ZNF608: variants seen among roughly 807,000 people sequenced by gnomAD.
ZNF608 encodes the protein renal carcinoma antigen NY-REN-36.
ZNF608 carries 12 observed loss-of-function variants against 109.0 expected under a neutral mutation model. That is an observed-to-expected ratio of 0.11 (90% CI 0.07 to 0.18). The LOEUF is 0.18. ZNF608 is among the 10% of genes least tolerant of loss of function. The pLI is 1.00. For missense variants in ZNF608, 1,707 were observed against 1,879.3 expected (o/e 0.91, Z 1.70); for synonymous variants, 732 against 717.4 (o/e 1.02, Z -0.33).
chr5:124,722,257 A>G (rs1753957058), intron 2 of ZNF608, among the ~76,000 whole-genome samples: 1 of 151,932 alleles, frequency 6.6e-6, no homozygotes, highest in Admixed American at 6.6e-5. Flanking sequence ...TGCTTTATAC[A>G]CTCCCAAAAC....
At chr5:124,683,396 T>C (rs1752278345) in intron 3 of ZNF608, among the ~76,000 whole-genome samples, 1 of 152,162 alleles carries the variant, frequency 6.6e-6, no homozygotes, top group African/African-American at 2.4e-5. Flanking sequence ...CTCATAATTA[T>C]ATTGGAAGTA....
intron 6 of ZNF608, among the ~76,000 whole-genome samples, chr5:124,643,914 A>G (rs1750369004): frequency 6.6e-6 from 1 of 152,228 alleles, no homozygotes; most frequent in African/African-American, 2.4e-5. Flanking sequence ...TAGCCATTTC[A>G]TACATTTACG....
At chr5:124,638,933 T>C (rs1580511009) in intron 9 of ZNF608, 200 bp downstream of exon 9, 1 of 777,050 alleles carries the variant, frequency 1.3e-6, no homozygotes, top group East Asian at 3.0e-5. Flanking sequence ...TAATTACTAA[T>C]CTATGTAACC....
chr5:124,664,789 G>A (rs1007226008), intron 3 of ZNF608, among the ~76,000 whole-genome samples: 4 of 152,210 alleles, frequency 2.6e-5, no homozygotes, highest in Non-Finnish European at 4.4e-5. Flanking sequence ...AATGGTGCAT[G>A]TATGGATGGG....
intron 2 of ZNF608, among the ~76,000 whole-genome samples, chr5:124,733,562 G>T (rs1041252831): frequency 6.6e-6 from 1 of 152,068 alleles, no homozygotes; most frequent in Admixed American, 6.5e-5. Flanking sequence ...GGAAAAAGCC[G>T]GGGCAGACTG....
At chr5:124,742,260 T>C (rs770325598) in intron 2 of ZNF608, among the ~76,000 whole-genome samples, 7 of 152,212 alleles carry the variant, frequency 4.6e-5, no homozygotes, top group African/African-American at 1.2e-4. Context: ...GCCTTTTAGA[T>C]ACTGAAATGT....
chr5:124,732,867 G>C (rs1218351368), intron 2 of ZNF608, among the ~76,000 whole-genome samples: 1 of 152,062 alleles, frequency 6.6e-6, no homozygotes, highest in Non-Finnish European at 1.5e-5. Flanking sequence ...AAGTCTTCTA[G>C]CCCCTCTCTC....
rs1365687686 is a variant in ZNF608, at chr5:124,701,384, T to C, written c.907-115A>G. Reference sequence around the variant, plus strand: ...CCATTCCAAATTCCATTTGCAATTATAATATGCTTTGAGTGTTTTAATGGT... The same window carrying C: ...CCATTCCAAATTCCATTTGCAATTACAATATGCTTTGAGTGTTTTAATGGT... On this transcript the variant is annotated intron_variant, in intron 2 of 9. Transcript: ENST00000513986. 8 of 1,347,686 alleles carry C rather than the reference T, an allele frequency of 5.9e-6. No individual in the cohort carries two copies. The East Asian group carries it at 1.9e-4, about 31-fold the overall frequency. 83.5% of individuals were successfully genotyped at this position (1,347,686 alleles called of 1,614,324 possible). A position where few individuals can be genotyped will look rare whatever the true frequency, so the allele number is the denominator to read the frequency against.
At chr5:124,641,461 A>C in intron 7 of ZNF608, 56 bp from the exon 8 acceptor site, 1 of 1,541,582 alleles carries the variant, frequency 6.5e-7, no homozygotes, top group Non-Finnish European at 8.8e-7. Context: ...AACTTTTAAG[A>C]GTACTAAACC....
intron 3 of ZNF608, among the ~76,000 whole-genome samples, chr5:124,654,532 C>A (rs774072013): frequency 1.3e-5 from 2 of 152,248 alleles, no homozygotes; most frequent in African/African-American, 4.8e-5. Context: ...ACCAGGCACA[C>A]TGCCAAAAGA....
chr5:124,702,357 T>C (rs1017664482), intron 2 of ZNF608, among the ~76,000 whole-genome samples: 1 of 152,192 alleles, frequency 6.6e-6, no homozygotes, highest in East Asian at 1.9e-4. Flanking sequence ...GTATTATCAG[T>C]TGGGCTAACA....
chr5:124,705,620 A>G (rs1336627865), intron 2 of ZNF608, among the ~76,000 whole-genome samples: 1 of 152,142 alleles, frequency 6.6e-6, no homozygotes, highest in Non-Finnish European at 1.5e-5. Flanking sequence ...ATCCCCTCCA[A>G]ATGCATGGTT....
intron 2 of ZNF608, among the ~76,000 whole-genome samples, chr5:124,722,334 T>C (rs995012103): frequency 1.3e-5 from 2 of 152,192 alleles, no homozygotes; most frequent in East Asian, 1.9e-4. Flanking sequence ...TAAGCAAAGC[T>C]ATGGCTCATC....
intron 3 of ZNF608, among the ~76,000 whole-genome samples, chr5:124,671,403 T>C (rs1751709326): frequency 6.6e-6 from 1 of 152,122 alleles, no homozygotes; most frequent in Admixed American, 6.5e-5. Flanking sequence ...CGAAAGGTCA[T>C]TTGAAACCAC....
At chr5:124,733,580 T>G (rs2149894932) in intron 2 of ZNF608, among the ~76,000 whole-genome samples, 1 of 152,270 alleles carries the variant, frequency 6.6e-6, no homozygotes, top group South Asian at 2.1e-4. Context: ...CTGACCTCAT[T>G]AAAGGGTAAT....
At position 124,641,386 on chromosome 5, in the gene ZNF608, G is replaced by A; in HGVS notation, c.4316C>T (p.Ala1439Val). The A allele has an allele frequency of 6.2e-7, 1 of 1,612,138 alleles. No individual in the cohort carries two copies. Among genetic ancestry groups the A allele is most frequent in the South Asian group, 1.1e-5 (1 of 90,816 alleles). Residue 1439 changes from alanine to valine, a missense_variant, in exon 8 of 10, where the codon GCT becomes GTT. Transcript: ENST00000513986. ...CCTTTCTGCCTCCCGTTCCCGCTCAGCTGTAGCCTTTTCCACAGGCTGCAA... is the reference window on the plus strand; with the variant it reads ...CCTTTCTGCCTCCCGTTCCCGCTCAACTGTAGCCTTTTCCACAGGCTGCAA... ...KSPAPVEKAT[A>V]EREREAERER...
At chr5:124,700,928 G>A (rs1203414636) in intron 3 of ZNF608, 86 bp downstream of exon 3, 13 of 1,545,714 alleles carry the variant, frequency 8.4e-6, no homozygotes, top group Non-Finnish European at 1.1e-5. Flanking sequence ...TCTGAATACC[G>A]CAAAACAAAT....
intron 9 of ZNF608, 101 bp from the exon 10 acceptor site, chr5:124,638,007 A>T: frequency 7.3e-7 from 1 of 1,362,344 alleles, no homozygotes; most frequent in Non-Finnish European, 1.0e-6. Context: ...CTAGAGTGCC[A>T]TGGCTCAATC....
At chr5:124,743,220 A>G (rs1749491142) in intron 2 of ZNF608, among the ~76,000 whole-genome samples, 1 of 152,236 alleles carries the variant, frequency 6.6e-6, no homozygotes. Context: ...TAAATGCAGC[A>G]CATAATTCTA....
Sources: allele counts gnomAD v4.1 joint callset (sites outside exome capture counted in the v4.1 genomes callset), GRCh38; gene constraint gnomAD v4.1.1; transcripts MANE v1.5; gene names NCBI Gene and HGNC (gene_info 2026-07-23, HGNC 2026-07-21).